LRP1B: variants seen among roughly 807,000 people sequenced by gnomAD.
The protein encoded by LRP1B is low-density lipoprotein receptor-related protein 1B.
A neutral mutation model predicts 556.6 loss-of-function variants in LRP1B; 217 were observed. That is an observed-to-expected ratio of 0.39 (90% CI 0.35 to 0.44). LRP1B has a LOEUF of 0.44. Ranked by LOEUF, LRP1B falls within the 20% of genes least tolerant of loss-of-function variation. The probability of loss-of-function intolerance (pLI) is 1.00; values close to 1 mark genes in which losing one functional copy is unlikely to be tolerated. For synonymous variants in LRP1B, 2,047 were observed against 1,865.8 expected (o/e 1.10, Z -2.50); for missense variants, 5,053 against 5,620.8 (o/e 0.90, Z 3.23).
intron 15 of LRP1B, among the ~76,000 whole-genome samples, chr2:141,001,279 G>A (rs1305054419): frequency 6.6e-6 from 1 of 151,410 alleles, no homozygotes; most frequent in Non-Finnish European, 1.5e-5. Flanking sequence ...GTCCTTCTAA[G>A]TTATGCCACT....
chr2:140,504,672 CA>C (rs571376122), intron 53 of LRP1B, among the ~76,000 whole-genome samples: 14 of 152,268 alleles, frequency 9.2e-5, no homozygotes, highest in African/African-American at 3.1e-4. Flanking sequence ...TCTTGTATCC[CA>C]ACATTCATTA....
intron 43 of LRP1B, among the ~76,000 whole-genome samples, chr2:140,555,185 C>A (rs1268044340): frequency 1.3e-5 from 2 of 148,606 alleles, no homozygotes; most frequent in Non-Finnish European, 3.0e-5. Flanking sequence ...TCTGAAATGC[C>A]AGTATTAATC....
At chr2:140,539,057 C>T (rs1165181394) in intron 45 of LRP1B, among the ~76,000 whole-genome samples, 1 of 152,132 alleles carries the variant, frequency 6.6e-6, no homozygotes, top group Non-Finnish European at 1.5e-5. Flanking sequence ...ACAGCAATTA[C>T]TTCATCTAAT....
intron 83 of LRP1B, among the ~76,000 whole-genome samples, 176 bp from the exon 84 acceptor site, chr2:140,298,145 T>A (rs1326442600): frequency 6.6e-6 from 1 of 152,186 alleles, no homozygotes; most frequent in Non-Finnish European, 1.5e-5. Flanking sequence ...TTTCATATGT[T>A]CAAGGAAATC....
chr2:140,607,765 C>G (rs1682924650), intron 41 of LRP1B, among the ~76,000 whole-genome samples: 1 of 151,560 alleles, frequency 6.6e-6, no homozygotes, highest in African/African-American at 2.4e-5. Context: ...AATTGTTATC[C>G]AGTAGAAATT....
intron 8 of LRP1B, among the ~76,000 whole-genome samples, 183 bp from the exon 9 acceptor site, chr2:141,059,237 A>G (rs1574031315): frequency 6.6e-6 from 1 of 151,744 alleles, no homozygotes; most frequent in African/African-American, 2.4e-5. Context: ...TGGAGAAGAA[A>G]ACATTATGCA....
At position 140,752,867 on chromosome 2, in the gene LRP1B, T is replaced by C. The variant is rs75942202; in HGVS notation, c.5758+16346A>G. 1.3e-3 allele frequency among the ~76,000 whole-genome samples: 198 copies of C among 152,284 alleles called. 5 individuals carry two copies. In the East Asian group the frequency reaches 0.036, roughly 28 times the overall value. On this transcript the variant is annotated intron_variant, in intron 35 of 90. Transcript: ENST00000389484. ...TTGTATGTTTACTAAAATTGATAAA[T>C]CTACATTGACACATTGTCACCTAAA...
intron 35 of LRP1B, among the ~76,000 whole-genome samples, chr2:140,745,133 G>GA (rs1231883419): frequency 1.3e-5 from 2 of 152,120 alleles, no homozygotes. Context: ...GAAAATTCTT[G>GA]AAAACTAAGA....
At chr2:141,544,496 G>C (rs931411759) in intron 2 of LRP1B, among the ~76,000 whole-genome samples, 1 of 148,628 alleles carries the variant, frequency 6.7e-6, no homozygotes, top group Admixed American at 6.8e-5. Flanking sequence ...GTGCAATCAG[G>C]TCTTGAACGC....
intron 7 of LRP1B, among the ~76,000 whole-genome samples, chr2:141,124,734 CTCAAAT>C (rs1701158543): frequency 6.6e-6 from 1 of 150,440 alleles, no homozygotes; most frequent in African/African-American, 2.4e-5. Context: ...CTCATTGAAT[CTCAAAT>C]TCAGCCAATT....
At chr2:140,474,713 CT>C (rs1342238684) in intron 60 of LRP1B, among the ~76,000 whole-genome samples, 1 of 151,838 alleles carries the variant, frequency 6.6e-6, no homozygotes, top group Admixed American at 6.6e-5. Context: ...GTAACAATAA[CT>C]TTAGTCATGT....
At chr2:140,808,698 A>T (rs1439203611) in intron 32 of LRP1B, among the ~76,000 whole-genome samples, 1 of 152,200 alleles carries the variant, frequency 6.6e-6, no homozygotes. Flanking sequence ...GCACTGATAA[A>T]TGCTTGCTGA....
chr2:141,912,253 T>C (rs182045340), intron 1 of LRP1B, among the ~76,000 whole-genome samples: 1 of 152,136 alleles, frequency 6.6e-6, no homozygotes, highest in South Asian at 2.1e-4. Context: ...TCTGGTATGG[T>C]GAAAGCTGGG....
intron 43 of LRP1B, among the ~76,000 whole-genome samples, chr2:140,597,601 C>T (rs1682494892): frequency 6.6e-6 from 1 of 152,070 alleles, no homozygotes; most frequent in Admixed American, 6.6e-5. Context: ...TTTATAAAGG[C>T]TAAATAATTT....
At chr2:140,743,688 G>A (rs1257415064) in intron 35 of LRP1B, among the ~76,000 whole-genome samples, 2 of 151,892 alleles carry the variant, frequency 1.3e-5, no homozygotes, top group Non-Finnish European at 2.9e-5. Context: ...GGCTGGGAGC[G>A]GTGGCTCATG....
At chr2:140,828,545 C>T (rs1366885573) in intron 31 of LRP1B, among the ~76,000 whole-genome samples, 6 of 134,746 alleles carry the variant, frequency 4.5e-5, no homozygotes, top group African/African-American at 1.7e-4. Context: ...GGAGGCGGAG[C>T]TTGCAGTGAG....
chr2:141,222,355 G>A (rs1213029609), intron 6 of LRP1B, among the ~76,000 whole-genome samples: 1 of 151,692 alleles, frequency 6.6e-6, no homozygotes, highest in Non-Finnish European at 1.5e-5. Context: ...TTGAATCCCT[G>A]AATAATGAAT....
intron 66 of LRP1B, among the ~76,000 whole-genome samples, chr2:140,421,121 T>C (rs1282027757): frequency 1.3e-5 from 2 of 151,822 alleles, no homozygotes; most frequent in African/African-American, 4.8e-5. Flanking sequence ...CCAGGGATGG[T>C]GGTGCGTGTC....
rs1688428653 is a variant in LRP1B, at chr2:140,485,501, G to A, written c.9267C>T (p.Pro3089=). 8.1e-6 allele frequency: 13 copies of A among 1,613,466 alleles called. No homozygotes were observed. Among genetic ancestry groups the A allele is most frequent in the East Asian group, 6.7e-5 (3 of 44,824 alleles). ...CAATCCAATCGACAGCAAGTGCATT[G>A]GGGACCGCTGTGTTATGAACTACCT... The part of the protein sequence containing the change: ...DIKVVHNTAV[P]NALAVDWIGK... Residue 3089 remains proline, a synonymous_variant, in exon 59 of 91, where the codon CCC becomes CCT. Transcript: ENST00000389484.
Sources: allele counts gnomAD v4.1 joint callset (sites outside exome capture counted in the v4.1 genomes callset), GRCh38; gene constraint gnomAD v4.1.1; transcripts MANE v1.5; gene names NCBI Gene and HGNC (gene_info 2026-07-23, HGNC 2026-07-21).